Variants in CADM2 observed in about 807,000 individuals in gnomAD.
CADM2 encodes the protein cell adhesion molecule 2, also known as immunoglobulin superfamily member 4D.
A neutral mutation model predicts 49.8 loss-of-function variants in CADM2; 12 were observed. The observed-to-expected ratio is 0.24, with a 90% CI of 0.15 to 0.39. The LOEUF is 0.39. CADM2 is among the 10% of genes least tolerant of loss of function. The pLI is 1.00. For synonymous variants in CADM2, 214 were observed against 175.4 expected, an observed-to-expected ratio of 1.22 and a Z score of -1.74; for missense variants, 378 against 492.3, an observed-to-expected ratio of 0.77 and a Z score of 2.20.
intron 1 of CADM2, among the ~76,000 whole-genome samples, chr3:85,549,610 T>C (rs1310730809): frequency 1.3e-5 from 2 of 152,040 alleles, no homozygotes; most frequent in African/African-American, 4.8e-5. Context: ...TGGTTATTAA[T>C]ATATTTAAAG....
chr3:86,009,092 A>AGTGTGTGT lies in CADM2; in HGVS notation c.970+47454_970+47461dup, dbSNP rs3042197. On this transcript the variant is annotated intron_variant, in intron 8 of 9. Coordinates refer to ENST00000383699, the MANE Select transcript of CADM2 (RefSeq NM_001167675.2). Reference sequence around the variant, plus strand: ...TTAATAAATCCAGACTTGGTGTTATAGTGTGTGTGTGTGTGTATAAATATA... The same window carrying AGTGTGTGT: ...TTAATAAATCCAGACTTGGTGTTATAGTGTGTGTGTGTGTGTGTGTGTGTATAAATATA... Among the ~76,000 whole-genome samples, 5 of 145,386 alleles carry AGTGTGTGT rather than the reference A, an allele frequency of 3.4e-5. No homozygotes were observed. The East Asian group carries it at 8.0e-4, about 23-fold the overall frequency.
At chr3:85,148,510 CAT>C (rs1338795514) in intron 1 of CADM2, among the ~76,000 whole-genome samples, 1 of 152,120 alleles carries the variant, frequency 6.6e-6, no homozygotes, top group African/African-American at 2.4e-5. Flanking sequence ...TTTTTTACAT[CAT>C]ATATAACTGA....
At chr3:85,242,206 T>A (rs1200062536) in intron 1 of CADM2, among the ~76,000 whole-genome samples, 1 of 151,450 alleles carries the variant, frequency 6.6e-6, no homozygotes, top group African/African-American at 2.4e-5. Context: ...AAAAACACAT[T>A]ATGGAAAATC....
intron 5 of CADM2, among the ~76,000 whole-genome samples, chr3:85,888,651 A>G (rs1387578256): frequency 1.3e-5 from 2 of 152,138 alleles, no homozygotes; most frequent in African/African-American, 2.4e-5. Flanking sequence ...ATTCTTTAGC[A>G]TGTTTACATC....
At chr3:85,774,511 A>C (rs1049244530) in intron 2 of CADM2, among the ~76,000 whole-genome samples, 1 of 151,774 alleles carries the variant, frequency 6.6e-6, no homozygotes, top group African/African-American at 2.4e-5. Context: ...CATCTTATTT[A>C]ATGCTAAATT....
At chr3:85,757,458 TAG>T (rs1380953579) in intron 2 of CADM2, among the ~76,000 whole-genome samples, 1 of 152,054 alleles carries the variant, frequency 6.6e-6, no homozygotes, top group Non-Finnish European at 1.5e-5. Context: ...GTCACAGAAA[TAG>T]ACGAGTAAAT....
At chr3:85,944,831 A>T (rs62261585) in intron 7 of CADM2, among the ~76,000 whole-genome samples, 9,720 of 152,212 alleles carry the variant, frequency 0.064, 433 homozygotes, top group Non-Finnish European at 0.099. Context: ...AGTAGGAAAG[A>T]TCTAAAATTG....
intron 1 of CADM2, among the ~76,000 whole-genome samples, chr3:84,988,302 T>G (rs2032697611): frequency 6.6e-6 from 1 of 152,244 alleles, no homozygotes; most frequent in South Asian, 2.1e-4. Flanking sequence ...CTACTTCTAT[T>G]TCCTTTTCCT....
rs1295255872 is a variant in CADM2, at chr3:85,840,784, T to C, written c.238+38588T>C. Among the ~76,000 whole-genome samples the C allele has an allele frequency of 2.0e-5, 3 of 151,846 alleles. No individual in the cohort carries two copies. In the South Asian group the frequency reaches 6.2e-4, roughly 31 times the overall value. On this transcript the variant is annotated intron_variant, in intron 3 of 9. Coordinates refer to ENST00000383699, the MANE Select transcript of CADM2 (RefSeq NM_001167675.2). ...ATATATTTATGGCTTTTTAATTATATGGATAGAACTTTGAAAATAATTATA... is the reference window on the plus strand; with the variant it reads ...ATATATTTATGGCTTTTTAATTATACGGATAGAACTTTGAAAATAATTATA...
At chr3:85,840,872 G>T (rs1293037059) in intron 3 of CADM2, among the ~76,000 whole-genome samples, 1 of 151,528 alleles carries the variant, frequency 6.6e-6, no homozygotes, top group Non-Finnish European at 1.5e-5. Flanking sequence ...TGTAAACTGG[G>T]CATATGTAGG....
At chr3:85,179,690 T>C (rs1241628744) in intron 1 of CADM2, among the ~76,000 whole-genome samples, 2 of 152,204 alleles carry the variant, frequency 1.3e-5, no homozygotes, top group South Asian at 2.1e-4. Context: ...TAAAACATGG[T>C]TTTTGGATAG....
At chr3:85,530,867 TACACACAC>T (rs71617940) in intron 1 of CADM2, among the ~76,000 whole-genome samples, 7,969 of 136,852 alleles carry the variant, frequency 0.058, 472 homozygotes, top group African/African-American at 0.15. Flanking sequence ...TATGTAAAAA[TACACACAC>T]ACACACACAC....
At chr3:85,006,438 A>G (rs947977473) in intron 1 of CADM2, among the ~76,000 whole-genome samples, 13 of 151,704 alleles carry the variant, frequency 8.6e-5, no homozygotes, top group African/African-American at 3.2e-4. Flanking sequence ...TAAATAAATA[A>G]AAGGTTAGAA....
At chr3:85,077,821 A>C (rs754958390) in intron 1 of CADM2, among the ~76,000 whole-genome samples, 2 of 152,108 alleles carry the variant, frequency 1.3e-5, no homozygotes, top group Non-Finnish European at 2.9e-5. Flanking sequence ...ATCTAATGAA[A>C]GTTAATAGTA....
chr3:84,970,666 G>C (rs948634663), intron 1 of CADM2, among the ~76,000 whole-genome samples: 3 of 151,988 alleles, frequency 2.0e-5, no homozygotes, highest in Non-Finnish European at 4.4e-5. Flanking sequence ...GTCAAATGAA[G>C]ATAAACTAGC....
rs936853125 is a variant in CADM2 at position 85,137,921 on chromosome 3, T to C, written c.61+178253T>C. Among the ~76,000 whole-genome samples, 14 of 152,260 alleles carry C rather than the reference T, an allele frequency of 9.2e-5. No homozygotes were observed. The East Asian group carries it at 2.7e-3, about 29-fold the overall frequency. On this transcript the variant is annotated intron_variant, in intron 1 of 9. Coordinates refer to ENST00000383699, the MANE Select transcript of CADM2 (RefSeq NM_001167675.2). ...TATAGAACATTCAAATATAGAATTA[T>C]TAATATCCTTAATCTCAATAGATAT...
chr3:85,718,621 G>T (rs1169883777), intron 1 of CADM2, among the ~76,000 whole-genome samples: 1 of 151,976 alleles, frequency 6.6e-6, no homozygotes, highest in Non-Finnish European at 1.5e-5. Context: ...TATAGAAAAA[G>T]ATCATGTAAA....
At chr3:85,282,429 A>ATT (rs1200462213) in intron 1 of CADM2, among the ~76,000 whole-genome samples, 12 of 124,038 alleles carry the variant, frequency 9.7e-5, no homozygotes, top group African/African-American at 9.0e-5. Context: ...TCTTGGCCAA[A>ATT]TTTTTTTTTT....
chr3:86,056,452 T>C (rs147463968), intron 8 of CADM2, among the ~76,000 whole-genome samples: 27 of 152,382 alleles, frequency 1.8e-4, no homozygotes, highest in South Asian at 6.2e-4. Flanking sequence ...GGTATCTTTT[T>C]CAAGGACATA....
Sources: gnomAD v4.1 joint callset for allele counts (sites outside exome capture counted in the v4.1 genomes callset) on GRCh38, gnomAD v4.1.1 for gene constraint, MANE v1.5 for transcripts, NCBI Gene and HGNC (gene_info 2026-07-23, HGNC 2026-07-21) for gene names.